Variants in TNIK observed in about 807,000 individuals in gnomAD.
TNIK encodes TRAF2 and NCK interacting kinase.
Under a neutral mutation model 191.3 loss-of-function variants are expected in TNIK, and 49 were observed. The observed-to-expected ratio is 0.26, with a 90% CI of 0.20 to 0.32. The LOEUF (loss-of-function observed/expected upper bound fraction) is 0.32, where lower values mean the gene tolerates loss of function less well. TNIK is among the 10% of genes least tolerant of loss of function. TNIK has a pLI of 1.00. For missense variants in TNIK, 1,155 were observed against 1,702.3 expected (o/e 0.68, Z 5.66); for synonymous variants, 594 against 600.9 (o/e 0.99, Z 0.17).
intron 2 of TNIK, among the ~76,000 whole-genome samples, chr3:171,239,624 A>G (rs1425497058): frequency 6.6e-6 from 1 of 152,212 alleles, no homozygotes; most frequent in African/African-American, 2.4e-5. Context: ...CTCCCCCTCC[A>G]ACAGATGTCT....
intron 7 of TNIK, among the ~76,000 whole-genome samples, chr3:171,184,035 G>A (rs1737057345): frequency 3.3e-5 from 5 of 150,674 alleles, no homozygotes; most frequent in Admixed American, 2.6e-4. Context: ...TACTTACCAA[G>A]TGGTGGACAC....
At chr3:171,171,452 G>A (rs537418003) in intron 9 of TNIK, among the ~76,000 whole-genome samples, 97 of 152,256 alleles carry the variant, frequency 6.4e-4, no homozygotes, top group African/African-American at 2.0e-3. Flanking sequence ...GCTAGAACTC[G>A]TGCAAATACA....
At chr3:171,327,737 ATAGCC>A (rs1755938518) in intron 2 of TNIK, among the ~76,000 whole-genome samples, 1 of 151,964 alleles carries the variant, frequency 6.6e-6, no homozygotes, top group Non-Finnish European at 1.5e-5. Flanking sequence ...TTACCGCAGC[ATAGCC>A]TAGCCTTCCT....
chr3:171,077,754 A>G (rs1046886208), intron 28 of TNIK, among the ~76,000 whole-genome samples: 4 of 151,402 alleles, frequency 2.6e-5, no homozygotes, highest in Admixed American at 1.3e-4. Flanking sequence ...TAGTCATGTG[A>G]AATAATTCCT....
At chr3:171,270,810 A>G (rs553180463) in intron 2 of TNIK, among the ~76,000 whole-genome samples, 7 of 152,268 alleles carry the variant, frequency 4.6e-5, no homozygotes, top group African/African-American at 1.7e-4. Flanking sequence ...TAATCTACAT[A>G]ATGGGGATAA....
intron 26 of TNIK, 74 bp downstream of exon 26, chr3:171,084,081 G>A: frequency 7.0e-7 from 1 of 1,436,388 alleles, no homozygotes; most frequent in Middle Eastern, 1.9e-4. Context: ...AGATCCACAG[G>A]CTTTTAATGT....
intron 1 of TNIK, among the ~76,000 whole-genome samples, chr3:171,411,177 C>G (rs140798128): frequency 3.7e-4 from 56 of 152,168 alleles, no homozygotes; most frequent in African/African-American, 1.3e-3. Flanking sequence ...AAGCAATCCT[C>G]CCACCTTAGC....
intron 15 of TNIK, among the ~76,000 whole-genome samples, chr3:171,132,975 AC>A (rs1307404589): frequency 6.6e-6 from 1 of 152,214 alleles, no homozygotes; most frequent in Non-Finnish European, 1.5e-5. Flanking sequence ...CCAGTAAGTA[AC>A]TTTTAAGTGC....
chr3:171,416,547 C>T (rs1003757346), intron 1 of TNIK, among the ~76,000 whole-genome samples: 3 of 152,134 alleles, frequency 2.0e-5, no homozygotes, highest in East Asian at 1.9e-4. Flanking sequence ...TTTACAAAAG[C>T]TTCATCAGCT....
Position 171,124,812 on chromosome 3 carries a change from T to G in TNIK, c.2013+1100A>C, listed in dbSNP as rs146682211. On this transcript the variant is annotated intron_variant, in intron 17 of 32. Coordinates refer to ENST00000436636, the MANE Select transcript of TNIK (RefSeq NM_015028.4). ...ATTCATCTAAAATTTTCTCCCAGGT[T>G]CATGCATGTATGCCTGCGTATTTTT... Among the ~76,000 whole-genome samples, 14 of 152,314 alleles carry G rather than the reference T, an allele frequency of 9.2e-5. No individual in the cohort carries two copies. The East Asian group carries it at 2.7e-3, about 29-fold the overall frequency.
At chr3:171,283,027 C>T (rs1458481501) in intron 2 of TNIK, among the ~76,000 whole-genome samples, 3 of 152,076 alleles carry the variant, frequency 2.0e-5, no homozygotes, top group African/African-American at 4.8e-5. Context: ...ATGCTATCTT[C>T]CTGTGAAGAT....
chr3:171,289,013 A>G (rs1463630559), intron 2 of TNIK, among the ~76,000 whole-genome samples: 1 of 152,198 alleles, frequency 6.6e-6, no homozygotes, highest in African/African-American at 2.4e-5. Context: ...CGAATTGTTC[A>G]ACTGATCCAA....
intron 1 of TNIK, among the ~76,000 whole-genome samples, chr3:171,432,593 T>C (rs1560067539): frequency 6.6e-6 from 1 of 152,208 alleles, no homozygotes; most frequent in Non-Finnish European, 1.5e-5. Context: ...TAAGCCTCTC[T>C]TTCACAATAT....
intron 2 of TNIK, among the ~76,000 whole-genome samples, chr3:171,265,475 T>C (rs1271380199): frequency 6.6e-6 from 1 of 152,244 alleles, no homozygotes; most frequent in Non-Finnish European, 1.5e-5. Flanking sequence ...CAACAGGTAG[T>C]TACATGAACT....
intron 22 of TNIK, among the ~76,000 whole-genome samples, chr3:171,096,866 CAG>C (rs1722795015): frequency 1.3e-5 from 2 of 152,264 alleles, no homozygotes; most frequent in South Asian, 2.1e-4. Flanking sequence ...TAATGTCTAA[CAG>C]AGATTTCATT....
At chr3:171,101,707 T>A in intron 21 of TNIK, 74 bp from the exon 22 acceptor site, 2 of 1,476,852 alleles carry the variant, frequency 1.4e-6, no homozygotes, top group Non-Finnish European at 1.8e-6. Flanking sequence ...AAGTCAGTGC[T>A]CCAGCTTAAG....
At chr3:171,166,913 G>A (rs1734689730) in intron 10 of TNIK, among the ~76,000 whole-genome samples, 182 bp downstream of exon 10, 1 of 152,106 alleles carries the variant, frequency 6.6e-6, no homozygotes, top group Non-Finnish European at 1.5e-5. Context: ...TTTCATGAAA[G>A]ATTCTACTTC....
intron 1 of TNIK, among the ~76,000 whole-genome samples, chr3:171,395,851 A>C (rs903941974): frequency 6.6e-6 from 1 of 152,132 alleles, no homozygotes; most frequent in Non-Finnish European, 1.5e-5. Flanking sequence ...TCTTTCCCTG[A>C]TGTACCCTCC....
At chr3:171,299,827 T>G (rs1205014883) in intron 2 of TNIK, among the ~76,000 whole-genome samples, 1 of 152,186 alleles carries the variant, frequency 6.6e-6, no homozygotes, top group Non-Finnish European at 1.5e-5. Context: ...TGCTGAGTGG[T>G]AGCCACAGGC....
Sources: gnomAD v4.1 joint callset for allele counts (sites outside exome capture counted in the v4.1 genomes callset) on GRCh38, gnomAD v4.1.1 for gene constraint, MANE v1.5 for transcripts, NCBI Gene and HGNC (gene_info 2026-07-23, HGNC 2026-07-21) for gene names.